Variants in NAV2 observed in about 807,000 individuals in gnomAD.
NAV2 encodes the protein neuron navigator 2.
A neutral mutation model predicts 223.2 loss-of-function variants in NAV2; 54 were observed. The observed-to-expected ratio is 0.24, with a 90% confidence interval of 0.19 to 0.30. The LOEUF (loss-of-function observed/expected upper bound fraction) is 0.30, where lower values mean the gene tolerates loss of function less well. NAV2 is among the 10% of genes least tolerant of loss of function. The pLI, the probability that NAV2 is intolerant of heterozygous loss-of-function variation, is 1.00. For synonymous variants in NAV2, 1,279 were observed against 1,239.3 expected, an observed-to-expected ratio of 1.03 and a Z score of -0.67; for missense variants, 2,806 against 3,147.5, an observed-to-expected ratio of 0.89 and a Z score of 2.60.
intron 6 of NAV2, among the ~76,000 whole-genome samples, chr11:19,917,015 G>A (rs527711323): frequency 2.0e-5 from 3 of 152,224 alleles, no homozygotes; most frequent in Admixed American, 2.0e-4. Context: ...AACAACTAAG[G>A]CCAGGAGGAA....
Position 19,456,700 on chromosome 11 carries a change from A to T in NAV2, c.75+105673A>T, listed in dbSNP as rs149641186. On this transcript the variant is annotated intron_variant, in intron 1 of 37. Coordinates refer to the NAV2 transcript ENST00000360655. Reference sequence around the variant, plus strand: ...GGAGAACAAATAAATAACATGTCTGACCTCCCAGGTAAAATTGTTAGAGGT... The same window carrying T: ...GGAGAACAAATAAATAACATGTCTGTCCTCCCAGGTAAAATTGTTAGAGGT... 4.3e-3 allele frequency among the ~76,000 whole-genome samples: 657 copies of T among 151,954 alleles called. 5 individuals carry two copies. Among genetic ancestry groups the T allele is most frequent in the African/African-American group, 0.015 (629 of 41,414 alleles).
At position 19,884,250 on chromosome 11, in the gene NAV2, TCTC is replaced by T. The variant is rs1360623903; in HGVS notation, c.770+4127_770+4129del. ...ATTTGTGTGTCTAATGTATCTTCTC[TCTC>T]CTCATTCAGCTCTTCCACTTTTTTC... On this transcript the variant is annotated intron_variant, in intron 5 of 37. Coordinates refer to ENST00000349880, the MANE Select transcript of NAV2 (RefSeq NM_145117.5). 3.5e-6 allele frequency: 5 copies of T among 1,412,182 alleles called. 1 individual carries two copies. The South Asian group carries it at 5.8e-5, about 16-fold the overall frequency. The allele number at this position is 1,412,182 out of a possible 1,614,324, so 87.5% of individuals were successfully genotyped here. A position where few individuals can be genotyped will look rare whatever the true frequency, so the allele number is the denominator to read the frequency against.
chr11:19,713,272 G>C lies in NAV2; in HGVS notation c.-424G>C, dbSNP rs985585277. On this transcript the variant is annotated 5_prime_UTR_variant, in exon 1 of 38. Coordinates refer to ENST00000349880, the MANE Select transcript of NAV2 (RefSeq NM_145117.5). The surrounding 1 kb of genome is among the most constrained non-coding windows in gnomAD (Gnocchi z 7.2). ...ACCCGTAGCCTCCGGAACGGGACTC[G>C]TGGGTCGCCGCCGCCTCTGTCTCTT... The C allele has an allele frequency of 6.0e-6, 6 of 1,005,122 alleles. No homozygotes were observed. In the African/African-American group the frequency reaches 8.6e-5, roughly 14 times the overall value. 62.3% of individuals were successfully genotyped at this position (1,005,122 alleles called of 1,614,324 possible). A position where few individuals can be genotyped will look rare whatever the true frequency, so the allele number is the denominator to read the frequency against.
chr11:19,860,165 G>T (rs2061653853), intron 3 of NAV2, among the ~76,000 whole-genome samples: 1 of 146,534 alleles, frequency 6.8e-6, no homozygotes, highest in African/African-American at 2.6e-5. Flanking sequence ...TGGCCAGGCG[G>T]GGGGCTGACC....
At chr11:19,982,626 T>C (rs1309701194) in intron 10 of NAV2, among the ~76,000 whole-genome samples, 3 of 152,186 alleles carry the variant, frequency 2.0e-5, no homozygotes, top group Non-Finnish European at 1.5e-5. Flanking sequence ...GGATCATTAA[T>C]GTCATAAAGG....
At chr11:19,752,182 T>A (rs1314199218) in intron 1 of NAV2, among the ~76,000 whole-genome samples, 1 of 152,170 alleles carries the variant, frequency 6.6e-6, no homozygotes, top group African/African-American at 2.4e-5. Flanking sequence ...ATTTAAACTG[T>A]GTAAGAGAAT....
rs553376323 is a variant in NAV2 at position 19,916,702 on chromosome 11, T to G, written c.932-16474T>G. The stretch of plus-strand genomic sequence containing the variant: ...GATAGCAGACTTTCTTTTAAATGGC[T>G]GGACAATAAATATTTTGGACTTCGA... On this transcript the variant is annotated intron_variant, in intron 6 of 37. Coordinates refer to ENST00000349880, the MANE Select transcript of NAV2 (RefSeq NM_145117.5). Among the ~76,000 whole-genome samples, 28 of 152,376 alleles carry G rather than the reference T, an allele frequency of 1.8e-4. No homozygotes were observed. In the South Asian group the frequency reaches 5.8e-3, roughly 32 times the overall value.
At chr11:20,041,376 A>C (rs1188120830) in intron 12 of NAV2, among the ~76,000 whole-genome samples, 2 of 152,156 alleles carry the variant, frequency 1.3e-5, no homozygotes, top group Admixed American at 6.5e-5. Flanking sequence ...TAATTTCCTC[A>C]TAGGTTTTTG....
At chr11:19,602,920 A>G (rs2046385700) in intron 1 of NAV2, among the ~76,000 whole-genome samples, 1 of 152,124 alleles carries the variant, frequency 6.6e-6, no homozygotes, top group Non-Finnish European at 1.5e-5. Flanking sequence ...CATTTAGCGG[A>G]CCACCATTCG....
intron 1 of NAV2, among the ~76,000 whole-genome samples, chr11:19,652,742 G>T (rs2048005882): frequency 6.6e-6 from 1 of 152,202 alleles, no homozygotes; most frequent in African/African-American, 2.4e-5. Flanking sequence ...TTTACCTGAA[G>T]TTATGTCCAC....
intron 1 of NAV2, among the ~76,000 whole-genome samples, chr11:19,795,862 C>G (rs888058970): frequency 8.5e-5 from 13 of 152,164 alleles, no homozygotes; most frequent in Non-Finnish European, 1.8e-4. Flanking sequence ...ATACTTTGAG[C>G]CCTCCTTGGC....
intron 1 of NAV2, among the ~76,000 whole-genome samples, chr11:19,462,833 C>A (rs575553769): frequency 6.6e-6 from 1 of 152,174 alleles, no homozygotes; most frequent in Non-Finnish European, 1.5e-5. Flanking sequence ...TTGATACGTG[C>A]GTGCTAGGGT....
chr11:19,678,088 C>T (rs1386651682), intron 1 of NAV2, among the ~76,000 whole-genome samples: 2 of 152,098 alleles, frequency 1.3e-5, no homozygotes, highest in East Asian at 1.9e-4. Flanking sequence ...GGAATAGGAG[C>T]GAGGGGATGC....
chr11:19,778,211 GT>G lies in NAV2; in HGVS notation c.268-54269del. ...AGGAAATGTGATCGGAAATCTCTGG[GT>G]TTTGCTTTTGTGAATTGTTTTTTTA... is the stretch of plus-strand genomic sequence containing the variant. On this transcript the variant is annotated intron_variant, in intron 1 of 37. Transcript: ENST00000349880. The G allele has an allele frequency of 9.9e-6, 4 of 404,176 alleles. No homozygotes were observed. In the Admixed American group the frequency reaches 1.2e-4, roughly 13 times the overall value. The allele number at this position is 404,176 out of a possible 1,614,324, so 25.0% of individuals were successfully genotyped here.
At chr11:19,939,994 C>T (rs1174854930) in intron 8 of NAV2, among the ~76,000 whole-genome samples, 3 of 151,534 alleles carry the variant, frequency 2.0e-5, no homozygotes, top group Non-Finnish European at 2.9e-5. Flanking sequence ...TCCCCAGAAT[C>T]GTAAACAAGT....
At chr11:19,832,037 C>T (rs1164975822) in intron 1 of NAV2, among the ~76,000 whole-genome samples, 1 of 152,202 alleles carries the variant, frequency 6.6e-6, no homozygotes, top group Non-Finnish European at 1.5e-5. Flanking sequence ...CTCAATAGCC[C>T]TCCTTACCCT....
intron 1 of NAV2, among the ~76,000 whole-genome samples, chr11:19,557,481 A>T (rs532630876): frequency 9.2e-5 from 14 of 152,206 alleles, no homozygotes; most frequent in Non-Finnish European, 1.3e-4. Context: ...GCCCTTGATT[A>T]AATGTTGTCT....
chr11:20,064,624 GCCAA>G (rs1377766852), intron 20 of NAV2, among the ~76,000 whole-genome samples: 1 of 152,162 alleles, frequency 6.6e-6, no homozygotes, highest in African/African-American at 2.4e-5. Context: ...GCCCCTTCAT[GCCAA>G]CCACTAGAAG....
rs958778451 is a variant in NAV2, at chr11:20,097,642, C to T, written c.6078C>T (p.Tyr2026=). 1 of 1,613,510 alleles carries T rather than the reference C, an allele frequency of 6.2e-7. No individual in the cohort carries two copies. The highest frequency in any genetic ancestry group is 8.5e-7 in the Non-Finnish European group (1 of 1,179,862). ...TGAATTCAGACAGCGTTCTTGGCTACAGCATTGGAGAAATCAAGCGCAGCA... is the reference window on the plus strand; with the variant it reads ...TGAATTCAGACAGCGTTCTTGGCTATAGCATTGGAGAAATCAAGCGCAGCA... The part of the protein sequence containing the change: ...LGLNSDSVLG[Y]SIGEIKRSNT... Residue 2026 remains tyrosine (Y), a synonymous_variant, in exon 31 of 38, where the codon TAC becomes TAT. Transcript: ENST00000349880.
Sources: gnomAD v4.1 joint callset for allele counts (sites outside exome capture counted in the v4.1 genomes callset) on GRCh38, gnomAD v4.1.1 for gene constraint, Gnocchi (gnomAD v3.1) non-coding constraint, MANE v1.5 for transcripts, NCBI Gene and HGNC (gene_info 2026-07-23, HGNC 2026-07-21) for gene names.